CFAP46: variants seen among roughly 807,000 people sequenced by gnomAD.
The protein encoded by CFAP46 is cilia- and flagella-associated protein 46.
In CFAP46, 245 loss-of-function variants were observed where a neutral mutation model predicts 325.7. The ratio of observed to expected loss-of-function variants is 0.75; its 90% CI spans 0.68 to 0.84. The LOEUF is 0.84. Ranked by LOEUF, CFAP46 falls within the 40% of genes least tolerant of loss-of-function variation. CFAP46 has a pLI of 0.00. For synonymous variants in CFAP46, 1,523 were observed against 1,495.9 expected (o/e 1.02, Z -0.42); for missense variants, 3,346 against 3,543.0 (o/e 0.94, Z 1.41).
intron 46 of CFAP46, among the ~76,000 whole-genome samples, chr10:132,835,887 C>A (rs1397624994): frequency 1.0e-4 from 14 of 136,254 alleles, no homozygotes; most frequent in Admixed American, 8.6e-4. Context: ...CCCTGCTCCC[C>A]CTTCCCCATG....
chr10:132,922,070 G>C (rs781528563), intron 13 of CFAP46, 34 bp downstream of exon 13: 19 of 1,544,616 alleles, frequency 1.2e-5, no homozygotes, highest in Non-Finnish European at 1.7e-5. Flanking sequence ...AAGGTGGACC[G>C]TTCTGGGCTG....
chr10:132,905,931 G>A (rs1849450245), intron 22 of CFAP46, among the ~76,000 whole-genome samples: 1 of 152,248 alleles, frequency 6.6e-6, no homozygotes, highest in African/African-American at 2.4e-5. Flanking sequence ...GGACATCAAA[G>A]GAGGTGAGTT....
chr10:132,848,849 G>A (rs1482873672), intron 41 of CFAP46, among the ~76,000 whole-genome samples: 2 of 152,110 alleles, frequency 1.3e-5, no homozygotes, highest in Admixed American at 6.5e-5. Flanking sequence ...GATGGACAAC[G>A]AGCTCGGATA....
At chr10:132,887,613 T>C (rs866890004) in intron 25 of CFAP46, among the ~76,000 whole-genome samples, 1 of 34,664 alleles carries the variant, frequency 2.9e-5, no homozygotes, top group Non-Finnish European at 5.6e-5. Context: ...TCTCCTCTCC[T>C]CTCTCCTCTT....
chr10:132,810,865 C>CCT, intron 56 of CFAP46, 85 bp downstream of exon 56: 2 of 1,270,626 alleles, frequency 1.6e-6, no homozygotes, highest in Middle Eastern at 3.6e-4. Context: ...ACCCCAGGTC[C>CCT]CTCCTCCCTT....
chr10:132,854,513 A>G (rs1564779472), intron 39 of CFAP46, among the ~76,000 whole-genome samples: 2 of 151,738 alleles, frequency 1.3e-5, no homozygotes, highest in Non-Finnish European at 2.9e-5. Context: ...AATTTTTTGT[A>G]TTTTTAGTGG....
At position 132,812,910 on chromosome 10, in the gene CFAP46, G is replaced by A. The variant is rs780844052; in HGVS notation, c.7389-13C>T. On this transcript the variant is annotated splice_polypyrimidine_tract_variant and intron_variant, in intron 54 of 57. Transcript: ENST00000368586. ...CCACTGGGCCTGGCTGCAGAGAGAGGAGAGCGCTGGTCAACAGTGCCCATG... is the reference window on the plus strand; with the variant it reads ...CCACTGGGCCTGGCTGCAGAGAGAGAAGAGCGCTGGTCAACAGTGCCCATG... 106 of 1,598,758 alleles carry A rather than the reference G, an allele frequency of 6.6e-5. No individual in the cohort carries two copies. The highest frequency in any genetic ancestry group is 8.5e-5 in the Non-Finnish European group (100 of 1,174,662).
chr10:132,885,954 C>T lies in CFAP46; in HGVS notation c.3310G>A (p.Glu1104Lys). 1.3e-6 allele frequency: 2 copies of T among 1,549,770 alleles called. No individual in the cohort carries two copies. The highest frequency in any genetic ancestry group is 1.7e-6 in the Non-Finnish European group (2 of 1,146,480). Reference protein sequence around the residue: ...TTEGYFLPGAEDDLALRAALY... With the variant: ...TTEGYFLPGAKDDLALRAALY... ...GCAGCACGGAGCGCCAGGTCGTCCT[C>T]AGCCCCTGGGAGGGAGAAGGAGGGG... The change falls in exon 26 of 58, where the codon GAG becomes AAG. Residue 1104 changes from glutamate to lysine, a missense_variant. Transcript: ENST00000368586.
chr10:132,848,056 A>G (rs963269337), intron 41 of CFAP46, among the ~76,000 whole-genome samples: 2 of 152,102 alleles, frequency 1.3e-5, no homozygotes, highest in Non-Finnish European at 2.9e-5. Flanking sequence ...CGCCGTTCAG[A>G]CGTGTGCAGA....
chr10:132,817,205 T>G lies in CFAP46; in HGVS notation c.7118-2291A>C, dbSNP rs926206130. On this transcript the variant is annotated intron_variant, in intron 50 of 57. Transcript: ENST00000368586. This position sits in a 1 kb window ranked among gnomAD's most constrained non-coding sequence, Gnocchi z 4.4. ...TTCATACCTCTGAGGAGGCGAACTT[T>G]CGATTCTCATGATGTCCATGTCCCT... 3.3e-5 allele frequency among the ~76,000 whole-genome samples: 5 copies of G among 152,210 alleles called. No homozygotes were observed. Among genetic ancestry groups the G allele is most frequent in the Non-Finnish European group, 5.9e-5 (4 of 68,032 alleles).
Position 132,899,107 on chromosome 10 carries a change from G to T in CFAP46, c.3071C>A (p.Ala1024Glu), listed in dbSNP as rs563577399. 2 of 1,520,410 alleles carry T rather than the reference G, an allele frequency of 1.3e-6. No homozygotes were observed. Among genetic ancestry groups the T allele is most frequent in the African/African-American group, 1.4e-5 (1 of 72,206 alleles). The allele number at this position is 1,520,410 out of a possible 1,614,324, so 94.2% of individuals were successfully genotyped here. ...FTESARFGGIAGSSALVMLAA... is the reference protein window; with the variant it reads ...FTESARFGGIEGSSALVMLAA... ...CAGCATCACCAGGGCGCTGCTGCCC[G>T]CGATGCCTCCGAACCTAAAAGAGGG... The change falls in exon 24 of 58, where the codon GCG (alanine) becomes GAG (glutamate). Residue 1024 changes from alanine to glutamate, a missense_variant. Transcript: ENST00000368586.
chr10:132,931,451 T>TC (rs1419856911), intron 8 of CFAP46, among the ~76,000 whole-genome samples: 1 of 117,242 alleles, frequency 8.5e-6, no homozygotes, highest in Admixed American at 9.2e-5. Flanking sequence ...GACTGGGCCT[T>TC]CCCCACATTC....
In CFAP46 at chr10:132,883,183, G is replaced by A. The variant is rs188205860; in HGVS notation, c.3627+1920C>T. ...ATCATGGCATCCAGAAAGTGGAGAC[G>A]TGGCTGAAAAAGCAGCTCACAGAAC... On this transcript the variant is annotated intron_variant, in intron 27 of 57. Coordinates refer to ENST00000368586, the MANE Select transcript of CFAP46 (RefSeq NM_001200049.3). Among the ~76,000 whole-genome samples, 276 of 152,250 alleles carry A rather than the reference G, an allele frequency of 1.8e-3. 3 individuals carry two copies. The highest frequency in any genetic ancestry group is 6.2e-3 in the African/African-American group (256 of 41,548).
chr10:132,814,316 C>T (rs981401282), intron 53 of CFAP46, 62 bp from the exon 54 acceptor site: 103 of 1,410,172 alleles, frequency 7.3e-5, no homozygotes, highest in East Asian at 1.9e-4. Context: ...TGTGCAGGGC[C>T]GGGGTCCCTG....
chr10:132,910,241 GC>G, intron 19 of CFAP46, 173 bp from the exon 20 acceptor site: 1 of 550,190 alleles, frequency 1.8e-6, no homozygotes, highest in Non-Finnish European at 2.8e-6. Context: ...AGCAGATGAA[GC>G]CCCACCCCCA....
intron 35 of CFAP46, among the ~76,000 whole-genome samples, chr10:132,864,336 C>G (rs1312198925): frequency 7.5e-6 from 1 of 133,796 alleles, no homozygotes; most frequent in Non-Finnish European, 1.6e-5. Context: ...CTGCACACAC[C>G]TGTCCCCAGT....
Position 132,941,073 on chromosome 10 carries a change from A to C in CFAP46, c.307-13T>G. ...TTTCAAATTCCTCCTAAGGCAACATAAAGAAGCACAATTAGACCGAAATAC... is the reference window on the plus strand; with the variant it reads ...TTTCAAATTCCTCCTAAGGCAACATCAAGAAGCACAATTAGACCGAAATAC... On this transcript the variant is annotated splice_polypyrimidine_tract_variant and intron_variant, in intron 3 of 57. Transcript: ENST00000368586. The C allele has an allele frequency of 6.2e-7, 1 of 1,613,990 alleles. No homozygotes were observed. The highest frequency in any genetic ancestry group is 8.5e-7 in the Non-Finnish European group (1 of 1,179,910).
intron 44 of CFAP46, among the ~76,000 whole-genome samples, chr10:132,844,168 T>TCAATGGGCGTTCCCAGG (rs1848396813): frequency 6.9e-6 from 1 of 145,338 alleles, no homozygotes; most frequent in Non-Finnish European, 1.5e-5. Flanking sequence ...GGCTCTGCTC[T>TCAATGGGCGTTCCCAGG]CAATGGGCGT....
intron 25 of CFAP46, 43 bp downstream of exon 25, chr10:132,892,290 C>T (rs1276265376): frequency 2.0e-6 from 3 of 1,534,160 alleles, no homozygotes; most frequent in South Asian, 2.4e-5. Flanking sequence ...CCTTCCCTTT[C>T]CTTGTACCTG....
Sources: gnomAD v4.1 joint callset for allele counts (sites outside exome capture counted in the v4.1 genomes callset) on GRCh38, gnomAD v4.1.1 for gene constraint, Gnocchi (gnomAD v3.1) non-coding constraint, MANE v1.5 for transcripts, NCBI Gene and HGNC (gene_info 2026-07-23, HGNC 2026-07-21) for gene names.